Variants in RBFOX1 observed in about 807,000 individuals in gnomAD.
RBFOX1 encodes the protein RNA binding fox-1 homolog 1, also known as RNA binding protein fox-1 homolog 1.
RBFOX1 carries 8 observed loss-of-function variants against 57.7 expected under a neutral mutation model. The ratio of observed to expected loss-of-function variants is 0.14; its 90% CI spans 0.08 to 0.25. The LOEUF is 0.25. RBFOX1 is among the 10% of genes least tolerant of loss of function. RBFOX1 has a pLI of 1.00. For missense variants in RBFOX1, 611 were observed against 548.5 expected, an observed-to-expected ratio of 1.11 and a Z score of -1.14; for synonymous variants, 326 against 222.4, an observed-to-expected ratio of 1.47 and a Z score of -4.15.
chr16:6,399,981 A>G lies in RBFOX1; in HGVS notation c.-64+82924A>G, dbSNP rs1596611293. Among the ~76,000 whole-genome samples the G allele has an allele frequency of 3.9e-5, 6 of 152,272 alleles. No homozygotes were observed. In the South Asian group the frequency reaches 1.2e-3, roughly 32 times the overall value. ...ATGAGGGTAGCCAGCCCCACAATTC[A>G]ATGACCTCCTGTCAGGTCCCTCCCA... On this transcript the variant is annotated intron_variant, in intron 2 of 15. Coordinates refer to ENST00000550418, the MANE Select transcript of RBFOX1 (RefSeq NM_018723.4).
intron 4 of RBFOX1, among the ~76,000 whole-genome samples, chr16:7,177,499 AAG>A (rs2081920047): frequency 6.6e-6 from 1 of 151,872 alleles, no homozygotes; most frequent in African/African-American, 2.4e-5. Context: ...AAAAAAAAAA[AAG>A]AATACAAAAA....
At chr16:5,389,410 C>T (rs1333302138) in intron 1 of RBFOX1, among the ~76,000 whole-genome samples, 1 of 152,066 alleles carries the variant, frequency 6.6e-6, no homozygotes, top group African/African-American at 2.4e-5. Context: ...TGAGCAGCAA[C>T]CCTGGCCTCC....
intron 3 of RBFOX1, among the ~76,000 whole-genome samples, chr16:6,767,569 A>G (rs1054186239): frequency 1.8e-4 from 27 of 152,160 alleles, no homozygotes; most frequent in African/African-American, 6.5e-4. Context: ...AATGTCAAAT[A>G]TAGCATTTGT....
intron 3 of RBFOX1, among the ~76,000 whole-genome samples, chr16:6,938,528 C>G (rs2077753756): frequency 2.0e-5 from 3 of 151,950 alleles, no homozygotes; most frequent in East Asian, 3.9e-4. Context: ...AGGTAAATGC[C>G]TAACATTCTA....
chr16:6,964,598 G>A (rs147697908), intron 3 of RBFOX1, among the ~76,000 whole-genome samples: 29 of 152,226 alleles, frequency 1.9e-4, no homozygotes, highest in African/African-American at 6.7e-4. Flanking sequence ...AATTTTCTGT[G>A]AACCTAATAC....
At chr16:7,211,679 C>T (rs181461530) in intron 4 of RBFOX1, among the ~76,000 whole-genome samples, 1 of 152,140 alleles carries the variant, frequency 6.6e-6, no homozygotes, top group South Asian at 2.1e-4. Context: ...GTAAGTTACA[C>T]TGATTCCTGC....
chr16:6,270,905 C>T (rs549517173), intron 1 of RBFOX1, among the ~76,000 whole-genome samples: 9 of 152,116 alleles, frequency 5.9e-5, no homozygotes, highest in South Asian at 2.1e-4. Flanking sequence ...GGAGAATCTG[C>T]AAACATTTGG....
intron 2 of RBFOX1, among the ~76,000 whole-genome samples, chr16:6,505,520 G>A (rs1425795769): frequency 6.6e-5 from 10 of 152,128 alleles, no homozygotes; most frequent in East Asian, 1.9e-4. Context: ...TTAGACACAC[G>A]TTTACTCTGT....
chr16:6,965,144 G>T (rs1258436229), intron 3 of RBFOX1, among the ~76,000 whole-genome samples: 1 of 152,130 alleles, frequency 6.6e-6, no homozygotes, highest in East Asian at 1.9e-4. Context: ...TCGGGGCCAA[G>T]GGCAACTGTA....
At chr16:5,827,244 A>T (rs2056091574) in intron 3 of RBFOX1, among the ~76,000 whole-genome samples, 1 of 151,826 alleles carries the variant, frequency 6.6e-6, no homozygotes, top group Non-Finnish European at 1.5e-5. Flanking sequence ...TACTAAAATT[A>T]CAAAAATTAG....
At chr16:6,271,297 G>C (rs1261097403) in intron 1 of RBFOX1, among the ~76,000 whole-genome samples, 1 of 152,118 alleles carries the variant, frequency 6.6e-6, no homozygotes, top group African/African-American at 2.4e-5. Context: ...AGTGGCACAT[G>C]TGTGTAGTCC....
chr16:5,829,793 G>A (rs1395692882), intron 3 of RBFOX1, among the ~76,000 whole-genome samples: 2 of 152,160 alleles, frequency 1.3e-5, no homozygotes, highest in Non-Finnish European at 1.5e-5. Context: ...AATGCCATCA[G>A]CAGCAACTAC....
chr16:7,298,295 T>G (rs1008379875), intron 4 of RBFOX1, among the ~76,000 whole-genome samples: 81 of 140,782 alleles, frequency 5.8e-4, no homozygotes, highest in East Asian at 1.4e-3. Context: ...GTTTTTTTTT[T>G]TTTTTTTTTT....
chr16:6,178,252 T>C (rs966053006), intron 1 of RBFOX1, among the ~76,000 whole-genome samples: 1 of 142,452 alleles, frequency 7.0e-6, no homozygotes, highest in Admixed American at 7.6e-5. Context: ...AGTGGTGAGA[T>C]CTCGGTTCAC....
At chr16:6,450,395 A>C (rs1311145684) in intron 2 of RBFOX1, among the ~76,000 whole-genome samples, 1 of 151,962 alleles carries the variant, frequency 6.6e-6, no homozygotes, top group Non-Finnish European at 1.5e-5. Flanking sequence ...AGCCTTAAGG[A>C]ATAACTGTGC....
chr16:7,196,831 CAA>C (rs1340078583), intron 4 of RBFOX1, among the ~76,000 whole-genome samples: 1 of 151,942 alleles, frequency 6.6e-6, no homozygotes, highest in African/African-American at 2.4e-5. Context: ...GTGTTTCAAG[CAA>C]AGAGGACAGC....
intron 3 of RBFOX1, among the ~76,000 whole-genome samples, chr16:5,810,103 C>G (rs11647096): frequency 0.45 from 67,686 of 150,904 alleles, 17,134 homozygotes; most frequent in South Asian, 0.59. Context: ...TATATTCTCA[C>G]TCACAGGTGG....
At chr16:7,151,496 T>C (rs2076099389) in intron 4 of RBFOX1, among the ~76,000 whole-genome samples, 1 of 152,146 alleles carries the variant, frequency 6.6e-6, no homozygotes, top group Admixed American at 6.6e-5. Context: ...GGAGCAGATC[T>C]TCTTCACAGG....
intron 3 of RBFOX1, among the ~76,000 whole-genome samples, chr16:5,811,535 C>G (rs71392442): frequency 2.0e-5 from 3 of 151,482 alleles, no homozygotes; most frequent in South Asian, 2.1e-4. Flanking sequence ...ACCGCAACCT[C>G]TGCCTTCCAG....
Sources: gnomAD v4.1 joint callset for allele counts (sites outside exome capture counted in the v4.1 genomes callset) on GRCh38, gnomAD v4.1.1 for gene constraint, MANE v1.5 for transcripts, NCBI Gene and HGNC (gene_info 2026-07-23, HGNC 2026-07-21) for gene names.